The following TSC2 variants were observed in gnomAD, a reference collection of about 807,000 sequenced individuals.
TSC2 encodes the protein tuberin.
A neutral mutation model predicts 202.2 loss-of-function variants in TSC2; 29 were observed. That is an observed-to-expected ratio of 0.14 (90% confidence interval 0.11 to 0.20). The LOEUF is 0.20. TSC2 is among the 10% of genes least tolerant of loss of function. TSC2 has a pLI of 1.00. For synonymous variants in TSC2, 1,349 were observed against 1,044.0 expected (o/e 1.29, Z -5.63); for missense variants, 2,429 against 2,420.0 (o/e 1.00, Z -0.08).
At chr16:2,082,159 C>A (rs2090222620) in intron 31 of TSC2, 2 of 594,378 alleles carry the variant, frequency 3.4e-6, no homozygotes, top group Non-Finnish European at 6.0e-6. Flanking sequence ...GGCCCCCACC[C>A]CACTCGGCAC....
Position 2,061,475 on chromosome 16 carries a change from G to A in TSC2, c.1120-396G>A, listed in dbSNP as rs1362322894. ...GGCTTCTAAAAGAGGCTGGACCTGG[G>A]AGAGGCAAGAAAGGCTTGTAGTTGT... On this transcript the variant is annotated intron_variant, in intron 11 of 41. Coordinates refer to ENST00000219476, the MANE Select transcript of TSC2 (RefSeq NM_000548.5). 9 of 356,672 alleles carry A rather than the reference G, an allele frequency of 2.5e-5. No individual in the cohort carries two copies. In the East Asian group the frequency reaches 6.2e-4, roughly 24 times the overall value. The allele number at this position is 356,672 out of a possible 1,614,324, so 22.1% of individuals were successfully genotyped here. A position where few individuals can be genotyped will look rare whatever the true frequency, so the allele number is the denominator to read the frequency against.
intron 11 of TSC2, chr16:2,061,566 C>G: frequency 8.6e-6 from 4 of 465,640 alleles, no homozygotes; most frequent in South Asian, 6.1e-5. Flanking sequence ...AGCCAAGATT[C>G]CTTGGGGGGT....
intron 6 of TSC2, 178 bp from the exon 7 acceptor site, chr16:2,056,018 C>T (rs1183883116): frequency 1.4e-6 from 1 of 721,488 alleles, no homozygotes; most frequent in East Asian, 2.7e-5. Flanking sequence ...GCTGAACACC[C>T]AGCACCGAGA....
rs1397719983 is a variant in TSC2 at position 2,070,710 on chromosome 16, C to T, written c.1839+132C>T. The T allele has an allele frequency of 1.8e-5, 26 of 1,443,204 alleles. No homozygotes were observed. In the South Asian group the frequency reaches 3.3e-4, roughly 18 times the overall value. 89.4% of individuals were successfully genotyped at this position (1,443,204 alleles called of 1,614,324 possible). On this transcript the variant is annotated intron_variant, in intron 17 of 41. Coordinates refer to ENST00000219476, the MANE Select transcript of TSC2 (RefSeq NM_000548.5). ...CTCAGCTGACCGTCCCTCCTCTGCA[C>T]CCACTGTGGCCGCAGCCTCCCCAGT...
In TSC2 at chr16:2,073,457, G is replaced by A. The variant is rs565104539; in HGVS notation, c.2355+474G>A. On this transcript the variant is annotated intron_variant, in intron 21 of 41. Transcript: ENST00000219476. ...ACACCTCTCTTTGACATGGCCCTCCGGGACGAGGAGCTGGTGTCCTAGAGA... is the reference window on the plus strand; with the variant it reads ...ACACCTCTCTTTGACATGGCCCTCCAGGACGAGGAGCTGGTGTCCTAGAGA... Among the ~76,000 whole-genome samples the A allele has an allele frequency of 3.3e-5, 5 of 152,350 alleles. No individual in the cohort carries two copies. The South Asian group carries it at 6.2e-4, about 19-fold the overall frequency.
chr16:2,067,893 A>G (rs1596325463), intron 16 of TSC2, among the ~76,000 whole-genome samples: 1 of 152,054 alleles, frequency 6.6e-6, no homozygotes, highest in Non-Finnish European at 1.5e-5. Context: ...GGCCTGGGAG[A>G]ACTGAGAACC....
At chr16:2,073,183 C>G (rs932189313) in intron 21 of TSC2, among the ~76,000 whole-genome samples, 200 bp downstream of exon 21, 4 of 152,232 alleles carry the variant, frequency 2.6e-5, no homozygotes, top group Non-Finnish European at 4.4e-5. Flanking sequence ...TCTTTGGGGC[C>G]TGGGAGCCAT....
intron 10 of TSC2, among the ~76,000 whole-genome samples, chr16:2,059,985 C>T (rs1447246533): frequency 6.6e-6 from 1 of 152,164 alleles, no homozygotes; most frequent in Non-Finnish European, 1.5e-5. Flanking sequence ...TCAAGCAAAC[C>T]TTACATCTTG....
At chr16:2,071,995 C>T (rs1313030036) in intron 19 of TSC2, 61 bp downstream of exon 19, 1 of 1,514,034 alleles carries the variant, frequency 6.6e-7, no homozygotes, top group East Asian at 2.5e-5. Flanking sequence ...AGGGAGCTGC[C>T]ACCTGCCTGC....
In TSC2 at chr16:2,087,887, A is replaced by G. The variant is rs374066182; in HGVS notation, c.5014A>G (p.Ile1672Val). 2.6e-5 allele frequency: 42 copies of G among 1,612,004 alleles called. No individual in the cohort carries two copies. Among genetic ancestry groups the G allele is most frequent in the Middle Eastern group, 1.6e-4 (1 of 6,084 alleles). ...GGGCCAGTTCAACTTTGTCCACGTGATCGTCACCCCGCTGGACTACGAGTG... is the reference window on the plus strand; with the variant it reads ...GGGCCAGTTCAACTTTGTCCACGTGGTCGTCACCCCGCTGGACTACGAGTG... ...IKGQFNFVHV[I>V]VTPLDYECNL... is the part of the protein sequence containing the mutation. Residue 1672 changes from isoleucine (I) to valine (V), a missense_variant, in exon 39 of 42, where the codon ATC (isoleucine) becomes GTC (valine). Transcript: ENST00000219476.
rs752141469 is a variant in TSC2, at chr16:2,060,684, G to A, written c.990G>A (p.Pro330=). The change falls in exon 11 of 42, where the codon CCG becomes CCA. Residue 330 remains proline (P), a synonymous_variant. Coordinates refer to ENST00000219476, the MANE Select transcript of TSC2 (RefSeq NM_000548.5). ...LPSFYQAMAC[P]NEVVSYEIVL... ...TCGTGTTCCAGGCCATGGCATGTCC[G>A]AACGAGGTGGTGTCCTATGAGATCG... 18 of 1,613,956 alleles carry A rather than the reference G, an allele frequency of 1.1e-5. No individual in the cohort carries two copies. The highest frequency in any genetic ancestry group is 1.4e-5 in the Non-Finnish European group (17 of 1,180,034).
rs140884776 is a variant in TSC2, at chr16:2,086,399, C to T, written c.4849+20C>T. The T allele has an allele frequency of 1.8e-5, 29 of 1,609,042 alleles. 1 individual carries two copies. The East Asian group carries it at 3.6e-4, about 20-fold the overall frequency. ...TGCAAGGTACGGCCTGGCGCCTACC[C>T]GCTCCTGCTGCCCCAGGCCTCAGGG... On this transcript the variant is annotated intron_variant, in intron 37 of 41. Coordinates refer to ENST00000219476, the MANE Select transcript of TSC2 (RefSeq NM_000548.5).
In TSC2 at chr16:2,077,590, C is replaced by A. The variant is rs1567490339; in HGVS notation, c.2838-8C>A. 1 of 1,612,852 alleles carries A rather than the reference C, an allele frequency of 6.2e-7. No homozygotes were observed. The highest frequency in any genetic ancestry group is 2.2e-5 in the East Asian group (1 of 44,870). Reference sequence around the variant, plus strand: ...CTGGGGCGTTGGGGCTCCTTCCTCACCCGATAGTCTGAGGATAGCCAGACC... The same window carrying A: ...CTGGGGCGTTGGGGCTCCTTCCTCAACCGATAGTCTGAGGATAGCCAGACC... On this transcript the variant is annotated splice_polypyrimidine_tract_variant and splice_region_variant and intron_variant, in intron 25 of 41. Coordinates refer to ENST00000219476, the MANE Select transcript of TSC2 (RefSeq NM_000548.5).
chr16:2,070,538 A>T lies in TSC2; in HGVS notation c.1799A>T (p.His600Leu), dbSNP rs1413259742. ...AGCCACATTCAGCTCCACTACAAGC[A>T]CAGCTACACCCTGCCAATCGCGAGC... is the stretch of plus-strand genomic sequence containing the variant. ...LVSHIQLHYK[H>L]SYTLPIASSI... is the part of the protein sequence containing the mutation. Residue 600 changes from histidine to leucine, a missense_variant, in exon 17 of 42, where the codon CAC becomes CTC. Coordinates refer to ENST00000219476, the MANE Select transcript of TSC2 (RefSeq NM_000548.5). The T allele has an allele frequency of 6.2e-7, 1 of 1,613,310 alleles. No homozygotes were observed.
At chr16:2,080,901 C>A in intron 30 of TSC2, 1 of 169,112 alleles carries the variant, frequency 5.9e-6, no homozygotes, top group South Asian at 1.4e-4. Flanking sequence ...GTTGCCCTCC[C>A]CGCCTGGAGG....
chr16:2,083,754 C>A lies in TSC2; in HGVS notation c.3943C>A (p.Pro1315Thr), dbSNP rs397514916. Residue 1315 changes from proline (P) to threonine (T), a missense_variant, in exon 33 of 42, where the codon CCA (proline) becomes ACA (threonine). Physicochemically the swap from Pro to Thr is conservative, Grantham distance 38. Transcript: ENST00000219476. Reference sequence around the variant, plus strand: ...CGAGGTTCCTGTGCTGGTGGAGCCCCCAGGGTTGGAGGACGTTGAGGCAGC... The same window carrying A: ...CGAGGTTCCTGTGCTGGTGGAGCCCACAGGGTTGGAGGACGTTGAGGCAGC... The part of the protein sequence containing the change: ...PGEVPVLVEP[P>T]GLEDVEAALG... The A allele has an allele frequency of 1.2e-6, 2 of 1,609,112 alleles. No individual in the cohort carries two copies. Among genetic ancestry groups the A allele is most frequent in the Non-Finnish European group, 1.7e-6 (2 of 1,178,732 alleles).
At chr16:2,085,405 A>C in intron 36 of TSC2, 83 bp downstream of exon 36, 1 of 1,432,438 alleles carries the variant, frequency 7.0e-7, no homozygotes, top group South Asian at 1.2e-5. Context: ...TGGGCCCCCA[A>C]CGCCCCACAG....
chr16:2,062,392 G>A (rs2086745859), intron 12 of TSC2, 105 bp from the exon 13 acceptor site: 1 of 1,100,992 alleles, frequency 9.1e-7, no homozygotes, highest in African/African-American at 1.6e-5. Flanking sequence ...CAGGCTGTGA[G>A]GCGGCTGGGC....
intron 36 of TSC2, among the ~76,000 whole-genome samples, chr16:2,085,736 C>T (rs900438207): frequency 3.9e-5 from 6 of 152,342 alleles, no homozygotes; most frequent in East Asian, 1.9e-4. Flanking sequence ...GCACGGGAGC[C>T]GACAGGATGG....
Sources: gnomAD v4.1 joint callset for allele counts (sites outside exome capture counted in the v4.1 genomes callset) on GRCh38, gnomAD v4.1.1 for gene constraint, MANE v1.5 for transcripts, NCBI Gene and HGNC (gene_info 2026-07-23, HGNC 2026-07-21) for gene names.